Variants in MAGI1 observed in about 807,000 individuals in gnomAD.
MAGI1 encodes the protein membrane associated guanylate kinase, WW and PDZ domain containing 1.
MAGI1 carries 58 observed loss-of-function variants against 139.9 expected under a neutral mutation model. The observed-to-expected ratio is 0.41, with a 90% CI of 0.34 to 0.52. The LOEUF is 0.52. Ranked by LOEUF, MAGI1 falls within the 20% of genes least tolerant of loss-of-function variation. The probability of loss-of-function intolerance (pLI) is 0.12; values close to 1 mark genes in which losing one functional copy is unlikely to be tolerated. For missense variants in MAGI1, 1,874 were observed against 1,901.6 expected, an observed-to-expected ratio of 0.99 and a Z score of 0.27; for synonymous variants, 812 against 737.9, an observed-to-expected ratio of 1.10 and a Z score of -1.63.
intron 8 of MAGI1, among the ~76,000 whole-genome samples, chr3:65,440,423 T>C (rs1397593822): frequency 6.6e-6 from 1 of 152,044 alleles, no homozygotes; most frequent in Admixed American, 6.6e-5. Context: ...CTGACCCCAC[T>C]CCAAATGTCC....
intron 18 of MAGI1, among the ~76,000 whole-genome samples, chr3:65,366,345 A>T (rs1941412904): frequency 6.6e-6 from 1 of 152,212 alleles, no homozygotes; most frequent in African/African-American, 2.4e-5. Context: ...TTATTCTTCT[A>T]GCTAAGGCAC....
intron 1 of MAGI1, among the ~76,000 whole-genome samples, chr3:65,922,972 G>A (rs1391409653): frequency 6.6e-6 from 1 of 152,114 alleles, no homozygotes; most frequent in Non-Finnish European, 1.5e-5. Context: ...GGAACATCTG[G>A]CTATGCTGAA....
At chr3:65,663,929 T>C (rs1355076557) in intron 1 of MAGI1, among the ~76,000 whole-genome samples, 2 of 152,182 alleles carry the variant, frequency 1.3e-5, no homozygotes, top group African/African-American at 2.4e-5. Flanking sequence ...AAAGGAATGA[T>C]AGTTACAGTT....
intron 1 of MAGI1, among the ~76,000 whole-genome samples, chr3:65,897,813 T>C (rs2061042657): frequency 1.3e-5 from 2 of 150,820 alleles, no homozygotes; most frequent in East Asian, 3.9e-4. Context: ...AAGTGAGCTA[T>C]GATAGCACCA....
Position 65,535,231 on chromosome 3 carries a change from C to G in MAGI1, c.431-41600G>C, listed in dbSNP as rs190884261. ...ATACCAGCTCATTAAAACAATTTTCCTTTTTCCTAAAAGCCTGGTGCAGGA... is the reference window on the plus strand; with the variant it reads ...ATACCAGCTCATTAAAACAATTTTCGTTTTTCCTAAAAGCCTGGTGCAGGA... On this transcript the variant is annotated intron_variant, in intron 2 of 22. Transcript: ENST00000402939. 1.0e-3 allele frequency among the ~76,000 whole-genome samples: 159 copies of G among 152,228 alleles called. 1 individual carries two copies. The highest frequency in any genetic ancestry group is 3.8e-3 in the African/African-American group (157 of 41,544).
At chr3:65,882,555 C>T (rs1253388914) in intron 1 of MAGI1, among the ~76,000 whole-genome samples, 1 of 151,354 alleles carries the variant, frequency 6.6e-6, no homozygotes, top group African/African-American at 2.4e-5. Context: ...CATTCCTCAA[C>T]TGGGGGGAAA....
At chr3:65,618,054 G>A (rs146696883) in intron 2 of MAGI1, among the ~76,000 whole-genome samples, 1 of 152,328 alleles carries the variant, frequency 6.6e-6, no homozygotes, top group East Asian at 1.9e-4. Flanking sequence ...GGAGGACTTC[G>A]TGGAGGAAGT....
At chr3:65,535,098 T>C (rs1463974800) in intron 2 of MAGI1, among the ~76,000 whole-genome samples, 1 of 151,996 alleles carries the variant, frequency 6.6e-6, no homozygotes, top group African/African-American at 2.4e-5. Flanking sequence ...AGCTCCTTCT[T>C]GGTGGTGTTG....
chr3:65,755,610 C>G (rs566170233), intron 1 of MAGI1, among the ~76,000 whole-genome samples: 2 of 152,232 alleles, frequency 1.3e-5, no homozygotes, highest in East Asian at 3.9e-4. Context: ...AATAAGTCTT[C>G]TAAGAAAATG....
intron 12 of MAGI1, among the ~76,000 whole-genome samples, chr3:65,404,331 T>C (rs1340060905): frequency 2.0e-5 from 3 of 152,224 alleles, no homozygotes; most frequent in African/African-American, 7.2e-5. Context: ...GTCTGTTTCC[T>C]CTGAGGAAGT....
In MAGI1 at chr3:65,354,435, T is replaced by C. The variant is rs1033815330; in HGVS notation, c.*1943A>G. On this transcript the variant is annotated 3_prime_UTR_variant, in exon 23 of 23. Transcript: ENST00000402939. Reference sequence around the variant, plus strand: ...AAATAAAGCTATGAACAATGTAATATTTATATATGCATAGTGTTTTATAAA... The same window carrying C: ...AAATAAAGCTATGAACAATGTAATACTTATATATGCATAGTGTTTTATAAA... 7.2e-5 allele frequency: 11 copies of C among 152,642 alleles called. No individual in the cohort carries two copies. The highest frequency in any genetic ancestry group is 2.7e-4 in the African/African-American group (11 of 41,460). The allele number at this position is 152,642 out of a possible 1,614,324, so 9.5% of individuals were successfully genotyped here.
chr3:65,495,440 ATC>A (rs1313262458), intron 2 of MAGI1, among the ~76,000 whole-genome samples: 2 of 152,156 alleles, frequency 1.3e-5, no homozygotes, highest in African/African-American at 2.4e-5. Flanking sequence ...ATATAAATAT[ATC>A]TCTGTTTATG....
intron 1 of MAGI1, among the ~76,000 whole-genome samples, chr3:65,749,109 C>T (rs1230464346): frequency 6.6e-6 from 1 of 152,124 alleles, no homozygotes; most frequent in African/African-American, 2.4e-5. Flanking sequence ...CAATTCTCTA[C>T]AGTGGGAGAG....
chr3:65,670,589 C>T (rs1389754892), intron 1 of MAGI1, among the ~76,000 whole-genome samples: 1 of 152,126 alleles, frequency 6.6e-6, no homozygotes, highest in African/African-American at 2.4e-5. Context: ...AAGGTCTTTA[C>T]CTGCAATGAG....
At chr3:65,864,143 T>C (rs192925069) in intron 1 of MAGI1, among the ~76,000 whole-genome samples, 1 of 152,226 alleles carries the variant, frequency 6.6e-6, no homozygotes, top group East Asian at 1.9e-4. Context: ...ATAGCATGTA[T>C]AGCATGATCC....
In MAGI1 at chr3:65,946,389, T is replaced by C. The variant is rs148811631; in HGVS notation, c.313+91607A>G. On this transcript the variant is annotated intron_variant, in intron 1 of 22. Coordinates refer to ENST00000402939, the MANE Select transcript of MAGI1 (RefSeq NM_001033057.2). ...TCCTCCCTGCCTTTTCTGCATTTCA[T>C]CATTTATTTCCTGGTTTGGAATATT... 3.3e-5 allele frequency among the ~76,000 whole-genome samples: 5 copies of C among 152,356 alleles called. No individual in the cohort carries two copies. In the East Asian group the frequency reaches 7.7e-4, roughly 23 times the overall value.
chr3:65,837,983 G>T (rs925996716), intron 1 of MAGI1, among the ~76,000 whole-genome samples: 2 of 152,146 alleles, frequency 1.3e-5, no homozygotes, highest in African/African-American at 4.8e-5. Context: ...CCTTCACCCA[G>T]ATTCCCCCAT....
chr3:65,514,715 T>C (rs1218082678), intron 2 of MAGI1, among the ~76,000 whole-genome samples: 103 of 146,730 alleles, frequency 7.0e-4, no homozygotes, highest in Non-Finnish European at 1.0e-3. Context: ...TTGGTGGGAC[T>C]GTAAACTAGT....
chr3:65,780,142 C>G (rs1275452262), intron 1 of MAGI1, among the ~76,000 whole-genome samples: 2 of 152,048 alleles, frequency 1.3e-5, no homozygotes, highest in African/African-American at 4.8e-5. Flanking sequence ...CCCACCTCAG[C>G]CTTCTAAGTA....
Sources: allele counts gnomAD v4.1 joint callset (sites outside exome capture counted in the v4.1 genomes callset), GRCh38; gene constraint gnomAD v4.1.1; transcripts MANE v1.5; gene names NCBI Gene and HGNC (gene_info 2026-07-23, HGNC 2026-07-21).